SESTD1: variants seen among roughly 807,000 people sequenced by gnomAD.
SESTD1 encodes the protein SEC14 and spectrin domain containing 1.
Under a neutral mutation model 101.7 loss-of-function variants are expected in SESTD1, and 43 were observed. The observed-to-expected ratio is 0.42, with a 90% CI of 0.33 to 0.55. The LOEUF is 0.55. Among genes scored for constraint, SESTD1 ranks in the 20% least tolerant of loss-of-function variants. The pLI, the probability that SESTD1 is intolerant of heterozygous loss-of-function variation, is 0.07. For synonymous variants in SESTD1, 283 were observed against 286.8 expected (o/e 0.99, Z 0.13); for missense variants, 647 against 815.1 (o/e 0.79, Z 2.51).
chr2:179,197,500 G>C (rs1032003589), intron 1 of SESTD1, among the ~76,000 whole-genome samples: 2 of 150,204 alleles, frequency 1.3e-5, no homozygotes, highest in African/African-American at 4.9e-5. Context: ...CCCAAGACAC[G>C]TAATTGTCAG....
intron 10 of SESTD1, 87 bp downstream of exon 10, chr2:179,132,217 C>A: frequency 7.1e-7 from 1 of 1,409,232 alleles, no homozygotes; most frequent in Non-Finnish European, 9.2e-7. Context: ...CCAAAGTTTG[C>A]AGCAACTTAT....
chr2:179,138,713 G>A (rs954656090), intron 9 of SESTD1, among the ~76,000 whole-genome samples: 2 of 151,208 alleles, frequency 1.3e-5, no homozygotes, highest in Admixed American at 6.6e-5. Context: ...TAAAATACAC[G>A]CCAAAAAAAC....
chr2:179,131,131 A>T (rs1362638488), intron 10 of SESTD1, among the ~76,000 whole-genome samples: 1 of 152,130 alleles, frequency 6.6e-6, no homozygotes, highest in African/African-American at 2.4e-5. Flanking sequence ...TCCTTCAGCT[A>T]GATTACAACT....
At chr2:179,166,925 A>G (rs1412524272) in intron 5 of SESTD1, among the ~76,000 whole-genome samples, 2 of 152,234 alleles carry the variant, frequency 1.3e-5, no homozygotes, top group Non-Finnish European at 2.9e-5. Context: ...GAAAAGGGCA[A>G]GATGAGCCCA....
At chr2:179,196,626 GCCT>G (rs1241698466) in intron 1 of SESTD1, among the ~76,000 whole-genome samples, 1 of 152,222 alleles carries the variant, frequency 6.6e-6, no homozygotes, top group South Asian at 2.1e-4. Flanking sequence ...TGGGCAGACT[GCCT>G]CCTCAAGTGG....
intron 3 of SESTD1, among the ~76,000 whole-genome samples, chr2:179,176,789 A>G (rs761617039): frequency 6.6e-6 from 1 of 152,234 alleles, no homozygotes; most frequent in African/African-American, 2.4e-5. Context: ...TAAAAGCATA[A>G]AAGTCAATGT....
intron 1 of SESTD1, among the ~76,000 whole-genome samples, chr2:179,193,116 G>A (rs2046342136): frequency 6.6e-6 from 1 of 151,928 alleles, no homozygotes; most frequent in South Asian, 2.1e-4. Context: ...GGAAAAAAAG[G>A]CAGTCTTTAA....
chr2:179,185,570 T>G (rs1471830010), intron 2 of SESTD1, among the ~76,000 whole-genome samples: 7 of 132,462 alleles, frequency 5.3e-5, no homozygotes, highest in Non-Finnish European at 7.6e-5. Context: ...TATATGTATA[T>G]AATATACTAT....
At chr2:179,226,716 A>C (rs1210825350) in intron 1 of SESTD1, among the ~76,000 whole-genome samples, 1 of 152,340 alleles carries the variant, frequency 6.6e-6, no homozygotes, top group Middle Eastern at 3.4e-3. Flanking sequence ...ATTTAATAAC[A>C]ATCTATTTTA....
intron 2 of SESTD1, among the ~76,000 whole-genome samples, chr2:179,185,959 A>G (rs2105490841): frequency 7.1e-6 from 1 of 141,066 alleles, no homozygotes; most frequent in South Asian, 2.2e-4. Flanking sequence ...ACAATATATA[A>G]TATAGCATAT....
rs1223314940 is a variant in SESTD1, at chr2:179,102,589, ATT to A, written c.*7308_*7309del. The A allele has an allele frequency of 6.6e-6, 1 of 152,112 alleles. No homozygotes were observed. Among genetic ancestry groups the A allele is most frequent in the Non-Finnish European group, 1.5e-5 (1 of 68,018 alleles). The allele number at this position is 152,112 out of a possible 1,614,324, so 9.4% of individuals were successfully genotyped here. On this transcript the variant is annotated 3_prime_UTR_variant, in exon 18 of 18. Coordinates refer to ENST00000428443, the MANE Select transcript of SESTD1 (RefSeq NM_178123.5). ...TATAAGGATTTACAGTAGAAGCCAA[ATT>A]TCCCAGCCCTTAAAATTTTAATAGG...
At chr2:179,146,556 A>T in intron 7 of SESTD1, 99 bp from the exon 8 acceptor site, 2 of 973,604 alleles carry the variant, frequency 2.1e-6, no homozygotes, top group Non-Finnish European at 3.1e-6. Context: ...GGGGCACAAA[A>T]GTATGAAAAT....
intron 2 of SESTD1, among the ~76,000 whole-genome samples, chr2:179,185,037 G>A (rs2046186773): frequency 1.3e-5 from 2 of 152,164 alleles, no homozygotes; most frequent in South Asian, 4.1e-4. Flanking sequence ...AAGATTATAA[G>A]AGAATAATAG....
rs79403989 is a variant in SESTD1, at chr2:179,237,022, A to C, written c.-26+27477T>G. On this transcript the variant is annotated intron_variant, in intron 1 of 17. Transcript: ENST00000428443. ...GTCTTAATCGTATTTTCTTGATCTAAAACCAAACTGATTATATAATCTTCT... is the reference window on the plus strand; with the variant it reads ...GTCTTAATCGTATTTTCTTGATCTACAACCAAACTGATTATATAATCTTCT... 5.2e-3 allele frequency among the ~76,000 whole-genome samples: 796 copies of C among 152,200 alleles called. 4 individuals carry two copies. The highest frequency in any genetic ancestry group is 0.014 in the Middle Eastern group (4 of 294).
intron 5 of SESTD1, among the ~76,000 whole-genome samples, chr2:179,166,926 G>C (rs901831282): frequency 2.0e-5 from 3 of 152,170 alleles, no homozygotes; most frequent in Non-Finnish European, 2.9e-5. Context: ...AAAAGGGCAA[G>C]ATGAGCCCAT....
At chr2:179,127,317 G>T (rs1375030656) in intron 10 of SESTD1, among the ~76,000 whole-genome samples, 1 of 152,180 alleles carries the variant, frequency 6.6e-6, no homozygotes, top group African/African-American at 2.4e-5. Flanking sequence ...CCTCAGAGAG[G>T]CCTTTCCTAA....
chr2:179,136,765 G>A (rs375754645), intron 9 of SESTD1, among the ~76,000 whole-genome samples: 3 of 152,050 alleles, frequency 2.0e-5, no homozygotes, highest in African/African-American at 7.2e-5. Context: ...AATATAAATC[G>A]TGATAGCTGG....
chr2:179,182,237 A>G (rs2046125874), intron 3 of SESTD1, among the ~76,000 whole-genome samples: 1 of 151,750 alleles, frequency 6.6e-6, no homozygotes, highest in Admixed American at 6.6e-5. Flanking sequence ...TCCTTTTTCT[A>G]CCTCTACATT....
At chr2:179,126,381 C>G (rs977290854) in intron 10 of SESTD1, among the ~76,000 whole-genome samples, 1 of 152,096 alleles carries the variant, frequency 6.6e-6, no homozygotes, top group Non-Finnish European at 1.5e-5. Context: ...CTTCAAATGG[C>G]CTTTTCTCTT....
Sources: gnomAD v4.1 joint callset for allele counts (sites outside exome capture counted in the v4.1 genomes callset) on GRCh38, gnomAD v4.1.1 for gene constraint, MANE v1.5 for transcripts, NCBI Gene and HGNC (gene_info 2026-07-23, HGNC 2026-07-21) for gene names.